NRG3: variants seen among roughly 807,000 people sequenced by gnomAD.
The protein encoded by NRG3 is pro-neuregulin-3, membrane-bound isoform.
A neutral mutation model predicts 66.9 loss-of-function variants in NRG3; 31 were observed. That is an observed-to-expected ratio of 0.46 (90% CI 0.35 to 0.63). NRG3 has a LOEUF of 0.63. Among genes scored for constraint, NRG3 ranks in the 20% least tolerant of loss-of-function variants. NRG3 has a pLI of 0.00. For synonymous variants in NRG3, 393 were observed against 359.4 expected, an observed-to-expected ratio of 1.09 and a Z score of -1.06; for missense variants, 910 against 878.9, an observed-to-expected ratio of 1.04 and a Z score of -0.45.
At chr10:82,079,168 C>G (rs969395624) in intron 1 of NRG3, among the ~76,000 whole-genome samples, 1 of 151,930 alleles carries the variant, frequency 6.6e-6, no homozygotes, top group Admixed American at 6.6e-5. Context: ...CCTCAGCCTC[C>G]CGAATAGCTG....
At position 82,253,167 on chromosome 10, in the gene NRG3, C is replaced by T. The variant is rs1047323125; in HGVS notation, c.824-105572C>T. The stretch of plus-strand genomic sequence containing the variant: ...TAAAATGCTCCATTTGTTTATCAAA[C>T]ACCCTCTGTTACTATCTGGTTAGTT... On this transcript the variant is annotated intron_variant, in intron 1 of 8. Coordinates refer to ENST00000372141, the MANE Select transcript of NRG3 (RefSeq NM_001010848.4). Among the ~76,000 whole-genome samples, 4 of 152,278 alleles carry T rather than the reference C, an allele frequency of 2.6e-5. No individual in the cohort carries two copies. In the East Asian group the frequency reaches 7.7e-4, roughly 29 times the overall value.
At chr10:82,657,269 C>G (rs1459562154) in intron 2 of NRG3, among the ~76,000 whole-genome samples, 2 of 152,088 alleles carry the variant, frequency 1.3e-5, no homozygotes, top group African/African-American at 4.8e-5. Flanking sequence ...TCAGCTCCAT[C>G]AGGTAAGGGG....
chr10:82,293,140 G>C (rs1328670497), intron 1 of NRG3, among the ~76,000 whole-genome samples: 1 of 152,182 alleles, frequency 6.6e-6, no homozygotes, highest in African/African-American at 2.4e-5. Context: ...CTGTTAGAGA[G>C]AGAACTGTCT....
At chr10:82,452,129 T>G (rs1371710714) in intron 2 of NRG3, among the ~76,000 whole-genome samples, 2 of 152,214 alleles carry the variant, frequency 1.3e-5, no homozygotes, top group African/African-American at 4.8e-5. Flanking sequence ...AATAACCCTA[T>G]TTATGGCACA....
chr10:81,956,860 C>A (rs114303391), intron 1 of NRG3, among the ~76,000 whole-genome samples: 5 of 152,120 alleles, frequency 3.3e-5, no homozygotes, highest in East Asian at 3.9e-4. Context: ...GTGTCTTTTT[C>A]TCTGAACTCC....
At chr10:82,171,778 G>A (rs756067009) in intron 1 of NRG3, among the ~76,000 whole-genome samples, 1 of 151,968 alleles carries the variant, frequency 6.6e-6, no homozygotes. Context: ...CTGCATCCAC[G>A]TTTCATGTAG....
rs78540870 is a variant in NRG3 at position 82,954,639 on chromosome 10, G to A, written c.1157+3068G>A. On this transcript the variant is annotated intron_variant, in intron 5 of 8. Transcript: ENST00000372141. ...CCACCTGAAATTGGATTAGCTATAT[G>A]TTCCTCATTAGAGGCCTAGGGTGCA... Among the ~76,000 whole-genome samples the A allele has an allele frequency of 9.1e-4, 139 of 151,976 alleles. 3 individuals carry two copies. The East Asian group carries it at 0.023, about 25-fold the overall frequency.
intron 3 of NRG3, among the ~76,000 whole-genome samples, chr10:82,814,121 T>C (rs990482921): frequency 6.6e-6 from 1 of 152,226 alleles, no homozygotes; most frequent in African/African-American, 2.4e-5. Flanking sequence ...GTAGTATAAT[T>C]GAATTGCAGC....
intron 4 of NRG3, among the ~76,000 whole-genome samples, chr10:82,918,001 T>TATATATATAC (rs1846043395): frequency 1.4e-5 from 2 of 140,124 alleles, no homozygotes; most frequent in South Asian, 4.7e-4. Flanking sequence ...TATGTATGTA[T>TATATATATAC]GTATCTCTCT....
chr10:81,962,963 C>T lies in NRG3; in HGVS notation c.823+86800C>T, dbSNP rs183154708. ...ACCTCTGCTTATAACCGACACAACTCGCCCTGTTGCTCAGAGCAGTCACAC... is the reference window on the plus strand; with the variant it reads ...ACCTCTGCTTATAACCGACACAACTTGCCCTGTTGCTCAGAGCAGTCACAC... On this transcript the variant is annotated intron_variant, in intron 1 of 8. Coordinates refer to ENST00000372141, the MANE Select transcript of NRG3 (RefSeq NM_001010848.4). 6.3e-3 allele frequency among the ~76,000 whole-genome samples: 964 copies of T among 152,126 alleles called. 9 individuals carry two copies. The highest frequency in any genetic ancestry group is 0.027 in the Middle Eastern group (8 of 294).
chr10:82,692,262 A>T (rs1035527571), intron 2 of NRG3, among the ~76,000 whole-genome samples: 6 of 152,118 alleles, frequency 3.9e-5, no homozygotes, highest in Non-Finnish European at 5.9e-5. Context: ...AAAAAAAAAA[A>T]AAAAAGTAAC....
intron 3 of NRG3, among the ~76,000 whole-genome samples, chr10:82,797,137 CTGT>C (rs1339831977): frequency 6.6e-6 from 1 of 152,138 alleles, no homozygotes; most frequent in Non-Finnish European, 1.5e-5. Flanking sequence ...GCGTTCGACA[CTGT>C]TGTTCTGAAA....
intron 2 of NRG3, among the ~76,000 whole-genome samples, chr10:82,730,542 T>A (rs1025180381): frequency 6.6e-6 from 1 of 152,196 alleles, no homozygotes; most frequent in African/African-American, 2.4e-5. Context: ...AAGCAGCCGT[T>A]ACTCTGAAAT....
chr10:81,896,770 G>A (rs6584400), intron 1 of NRG3, among the ~76,000 whole-genome samples: 33,339 of 151,586 alleles, frequency 0.22, 4,829 homozygotes, highest in African/African-American at 0.42. Flanking sequence ...AAGCATGCCT[G>A]ATTCCTCTTC....
intron 1 of NRG3, among the ~76,000 whole-genome samples, chr10:82,196,729 G>A: frequency 6.6e-6 from 1 of 152,118 alleles, no homozygotes; most frequent in East Asian, 1.9e-4. Flanking sequence ...CTCTACATGA[G>A]CTACAGTGAG....
intron 1 of NRG3, among the ~76,000 whole-genome samples, chr10:82,039,481 C>T (rs1296057018): frequency 1.3e-5 from 2 of 152,024 alleles, no homozygotes; most frequent in African/African-American, 4.8e-5. Context: ...ATAGCTTCAG[C>T]TCTGGGGAAA....
intron 2 of NRG3, among the ~76,000 whole-genome samples, chr10:82,476,554 C>T (rs1841801954): frequency 6.6e-6 from 1 of 152,162 alleles, no homozygotes; most frequent in African/African-American, 2.4e-5. Context: ...ACACATGCTA[C>T]AGCATGAATG....
intron 1 of NRG3, among the ~76,000 whole-genome samples, chr10:81,925,161 G>A (rs934929750): frequency 6.6e-6 from 1 of 152,140 alleles, no homozygotes; most frequent in Non-Finnish European, 1.5e-5. Context: ...ACATCAAAAT[G>A]ATTTTATTAA....
intron 2 of NRG3, among the ~76,000 whole-genome samples, chr10:82,522,305 A>C (rs1846271485): frequency 6.6e-6 from 1 of 152,058 alleles, no homozygotes; most frequent in Admixed American, 6.6e-5. Context: ...CCAGCCTCTG[A>C]AAGTGCTGGG....
Sources: gnomAD v4.1 joint callset for allele counts (sites outside exome capture counted in the v4.1 genomes callset) on GRCh38, gnomAD v4.1.1 for gene constraint, MANE v1.5 for transcripts, NCBI Gene and HGNC (gene_info 2026-07-23, HGNC 2026-07-21) for gene names.